The following PRKN variants were observed in gnomAD, a reference collection of about 807,000 sequenced individuals.
PRKN encodes the protein parkin RBR E3 ubiquitin protein ligase.
PRKN carries 56 observed loss-of-function variants against 59.5 expected under a neutral mutation model. The observed-to-expected ratio is 0.94, with a 90% CI of 0.76 to 1.18. PRKN has a LOEUF of 1.18. Ranked by LOEUF, PRKN falls within the 50% of genes most tolerant of loss-of-function variation. The pLI is 0.00. For synonymous variants in PRKN, 250 were observed against 222.1 expected (o/e 1.13, Z -1.12); for missense variants, 657 against 596.4 (o/e 1.10, Z -1.06).
chr6:161,946,838 T>C (rs1426939235), intron 6 of PRKN, among the ~76,000 whole-genome samples: 2 of 152,210 alleles, frequency 1.3e-5, no homozygotes, highest in Non-Finnish European at 2.9e-5. Flanking sequence ...TACAATGGAA[T>C]GTATACTCTG....
At chr6:162,116,552 G>A (rs1351959496) in intron 4 of PRKN, among the ~76,000 whole-genome samples, 1 of 152,164 alleles carries the variant, frequency 6.6e-6, no homozygotes, top group African/African-American at 2.4e-5. Flanking sequence ...TGTGTCTTAA[G>A]GGACGAGAGC....
At chr6:162,511,465 T>G (rs1052251004) in intron 1 of PRKN, among the ~76,000 whole-genome samples, 4 of 152,320 alleles carry the variant, frequency 2.6e-5, no homozygotes, top group African/African-American at 9.6e-5. Flanking sequence ...CTACAGTGTT[T>G]TCCTTTCTCA....
intron 7 of PRKN, among the ~76,000 whole-genome samples, chr6:161,687,537 A>C (rs1333431785): frequency 6.7e-6 from 1 of 150,366 alleles, no homozygotes; most frequent in Non-Finnish European, 1.5e-5. Flanking sequence ...GCTCACTGCA[A>C]CCTCTGCCTC....
At chr6:162,482,421 C>T (rs772109162) in intron 1 of PRKN, among the ~76,000 whole-genome samples, 3 of 152,142 alleles carry the variant, frequency 2.0e-5, no homozygotes, top group Non-Finnish European at 1.5e-5. Flanking sequence ...TCCAAGGTTA[C>T]CCAGGAAACC....
chr6:161,554,730 GTGTGTA>G lies in PRKN; in HGVS notation c.934-5733_934-5728del, dbSNP rs1037864351. Among the ~76,000 whole-genome samples the G allele has an allele frequency of 9.4e-5, 13 of 137,946 alleles. No individual in the cohort carries two copies. The highest frequency in any genetic ancestry group is 7.2e-3 in the Middle Eastern group (2 of 276). 90.5% of individuals were successfully genotyped at this position (137,946 alleles called of 152,430 possible). ...ACAGGGATTGTGTGTGTGTGTGTGT[GTGTGTA>G]TATATATATATATATATACATACAC... On this transcript the variant is annotated intron_variant, in intron 8 of 11. Transcript: ENST00000366898. The surrounding 1 kb of genome is among the most constrained non-coding windows in gnomAD (Gnocchi z 4.5).
intron 5 of PRKN, among the ~76,000 whole-genome samples, chr6:162,040,007 T>C: frequency 6.6e-6 from 1 of 152,198 alleles, no homozygotes; most frequent in Admixed American, 6.5e-5. Flanking sequence ...CAGCATTTGG[T>C]GGGCACTGCT....
At chr6:161,935,866 G>A (rs1209356756) in intron 6 of PRKN, among the ~76,000 whole-genome samples, 1 of 152,028 alleles carries the variant, frequency 6.6e-6, no homozygotes, top group Non-Finnish European at 1.5e-5. Context: ...AACTGAAGAG[G>A]AACAATGACT....
intron 1 of PRKN, among the ~76,000 whole-genome samples, chr6:162,521,905 C>A (rs978827745): frequency 6.6e-6 from 1 of 152,048 alleles, no homozygotes; most frequent in Non-Finnish European, 1.5e-5. Flanking sequence ...AATTTAACAT[C>A]TTTATTTTGA....
At chr6:162,089,191 A>T (rs1381744706) in intron 4 of PRKN, among the ~76,000 whole-genome samples, 4 of 152,206 alleles carry the variant, frequency 2.6e-5, no homozygotes, top group Non-Finnish European at 1.5e-5. Context: ...GAACATTTAC[A>T]ACTTAACAAG....
intron 7 of PRKN, among the ~76,000 whole-genome samples, chr6:161,571,411 G>A (rs1780884547): frequency 6.6e-6 from 1 of 152,222 alleles, no homozygotes; most frequent in Non-Finnish European, 1.5e-5. Context: ...TCAGCATTGT[G>A]ATGTGAGAGT....
intron 7 of PRKN, among the ~76,000 whole-genome samples, chr6:161,768,802 CA>C (rs1789538578): frequency 6.6e-6 from 1 of 152,234 alleles, no homozygotes; most frequent in Admixed American, 6.5e-5. Flanking sequence ...ATTCAGAATA[CA>C]AAATTTTCTG....
chr6:161,370,450 G>A (rs2114893156), intron 10 of PRKN, among the ~76,000 whole-genome samples: 1 of 151,270 alleles, frequency 6.6e-6, no homozygotes, highest in African/African-American at 2.4e-5. Flanking sequence ...AAATTAGCCG[G>A]GCGTGGTGGC....
chr6:162,719,912 A>C (rs1778870247), intron 1 of PRKN, among the ~76,000 whole-genome samples: 1 of 90,446 alleles, frequency 1.1e-5, no homozygotes, highest in Admixed American at 1.2e-4. Flanking sequence ...AAAAAAAAAA[A>C]AAAAAAACTA....
chr6:161,896,828 T>A (rs1245653457), intron 6 of PRKN, among the ~76,000 whole-genome samples: 1 of 152,102 alleles, frequency 6.6e-6, no homozygotes, highest in South Asian at 2.1e-4. Context: ...GAAAAAAAAA[T>A]TCCACTGGAT....
chr6:161,492,814 G>A (rs1476576308), intron 9 of PRKN, among the ~76,000 whole-genome samples: 1 of 152,170 alleles, frequency 6.6e-6, no homozygotes, highest in Non-Finnish European at 1.5e-5. Context: ...CAGCCAAAAT[G>A]GCATGCATTG....
chr6:161,893,233 T>G (rs1470290883), intron 6 of PRKN, among the ~76,000 whole-genome samples: 2 of 152,204 alleles, frequency 1.3e-5, no homozygotes, highest in Non-Finnish European at 2.9e-5. Flanking sequence ...GTATGCTCTT[T>G]CAAGGCAAAG....
chr6:162,016,137 T>C (rs1240532863), intron 5 of PRKN, among the ~76,000 whole-genome samples: 5 of 110,586 alleles, frequency 4.5e-5, no homozygotes, highest in African/African-American at 1.9e-4. Context: ...GGACTAATTC[T>C]TGTTTAAAAT....
chr6:161,559,203 T>C (rs906834905), intron 8 of PRKN, among the ~76,000 whole-genome samples: 5 of 152,084 alleles, frequency 3.3e-5, no homozygotes, highest in Admixed American at 2.0e-4. Context: ...TGGAATCTTC[T>C]GGAAAAGAGA....
intron 9 of PRKN, among the ~76,000 whole-genome samples, chr6:161,394,258 T>C (rs1786646999): frequency 6.6e-6 from 1 of 152,156 alleles, no homozygotes; most frequent in Non-Finnish European, 1.5e-5. Context: ...TGTGCTAAGC[T>C]CCAAATGCAA....
Sources: gnomAD v4.1 joint callset for allele counts (sites outside exome capture counted in the v4.1 genomes callset) on GRCh38, gnomAD v4.1.1 for gene constraint, Gnocchi (gnomAD v3.1) non-coding constraint, MANE v1.5 for transcripts, NCBI Gene and HGNC (gene_info 2026-07-23, HGNC 2026-07-21) for gene names.